Variants in LRRC36 observed in about 807,000 individuals in gnomAD.
LRRC36 encodes leucine rich repeat containing 36.
Under a neutral mutation model 81.1 loss-of-function variants are expected in LRRC36, and 62 were observed. That is an observed-to-expected ratio of 0.76 (90% CI 0.62 to 0.94). LRRC36 has a LOEUF of 0.94. LRRC36 is among the 40% of genes least tolerant of loss of function. LRRC36 has a pLI of 0.00. For synonymous variants in LRRC36, 334 were observed against 348.6 expected (o/e 0.96, Z 0.47); for missense variants, 761 against 881.7 (o/e 0.86, Z 1.73).
intron 1 of LRRC36, among the ~76,000 whole-genome samples, chr16:67,341,170 T>C (rs546638549): frequency 4.2e-4 from 54 of 128,274 alleles, no homozygotes; most frequent in African/African-American, 1.5e-3. Flanking sequence ...TTCTATAGAA[T>C]ATGTACTCTA....
rs750722445 is a variant in LRRC36, at chr16:67,376,887, T to C, written c.1806+15T>C. The stretch of plus-strand genomic sequence containing the variant: ...CTAATGACATGGTATGCCCCTCTCA[T>C]CTCCCTTTAGAAAAGGACAGAGCAG... On this transcript the variant is annotated intron_variant, in intron 11 of 13. Transcript: ENST00000329956. 2 of 1,598,812 alleles carry C rather than the reference T, an allele frequency of 1.3e-6. No individual in the cohort carries two copies. The highest frequency in any genetic ancestry group is 2.2e-5 in the South Asian group (2 of 90,238).
chr16:67,337,117 A>G (rs1323668439), intron 1 of LRRC36, among the ~76,000 whole-genome samples: 2 of 151,854 alleles, frequency 1.3e-5, no homozygotes, highest in African/African-American at 2.4e-5. Flanking sequence ...TGGATATACC[A>G]CATTTTTGTT....
At chr16:67,330,752 C>T (rs1437989159) in intron 1 of LRRC36, among the ~76,000 whole-genome samples, 1 of 152,002 alleles carries the variant, frequency 6.6e-6, no homozygotes, top group African/African-American at 2.4e-5. Flanking sequence ...ATAATCCCAG[C>T]TACTCAGGAG....
chr16:67,328,535 A>G (rs1307965615), intron 1 of LRRC36, among the ~76,000 whole-genome samples: 1 of 152,044 alleles, frequency 6.6e-6, no homozygotes, highest in Admixed American at 6.6e-5. Context: ...AAATAAAATA[A>G]AAATTGTACA....
chr16:67,382,251 G>A lies in LRRC36; in HGVS notation c.2045+4G>A. The A allele has an allele frequency of 6.2e-7, 1 of 1,603,572 alleles. No individual in the cohort carries two copies. The highest frequency in any genetic ancestry group is 8.5e-7 in the Non-Finnish European group (1 of 1,170,752). ...CCATTCTCCATGAAAGTCAGAGGTA[G>A]GAGAGGGTCTATCTAGCTTGCTTCT... On this transcript the variant is annotated splice_donor_region_variant and intron_variant, in intron 13 of 13. Coordinates refer to ENST00000329956, the MANE Select transcript of LRRC36 (RefSeq NM_018296.6).
chr16:67,349,307 GTT>G (rs879443968), intron 4 of LRRC36, among the ~76,000 whole-genome samples: 1 of 144,410 alleles, frequency 6.9e-6, no homozygotes. Context: ...CTTGGGTGAA[GTT>G]TTTTTTTTTT....
intron 4 of LRRC36, 76 bp from the exon 5 acceptor site, chr16:67,350,126 C>A: frequency 4.0e-6 from 4 of 990,502 alleles, no homozygotes; most frequent in Non-Finnish European, 6.2e-6. Flanking sequence ...AGACTGCTTT[C>A]TAAATAGCAT....
At position 67,344,394 on chromosome 16, in the gene LRRC36, G is replaced by A. The variant is rs529656211; in HGVS notation, c.199-1862G>A. ...GAGGCAAGGAGTTTGAGACTAGCTT[G>A]AGCAATAAAGCAAGACCCTGTCTCT... On this transcript the variant is annotated intron_variant, in intron 2 of 13. Coordinates refer to ENST00000329956, the MANE Select transcript of LRRC36 (RefSeq NM_018296.6). 2.0e-5 allele frequency among the ~76,000 whole-genome samples: 3 copies of A among 152,162 alleles called. No homozygotes were observed. In the South Asian group the frequency reaches 6.2e-4, roughly 32 times the overall value.
rs772016995 is a variant in LRRC36 at position 67,367,168 on chromosome 16, C to T, written c.906C>T (p.Thr302=). The change falls in exon 8 of 14, where the codon ACC becomes ACT. Residue 302 remains threonine, a synonymous_variant. Coordinates refer to ENST00000329956, the MANE Select transcript of LRRC36 (RefSeq NM_018296.6). ...CAAAACCTGATACTTTTCATCTTAC[C>T]CATGATGCCTCATTGAGTAAATGCC... is the stretch of plus-strand genomic sequence containing the variant. ...LIPKPDTFHL[T]HDASLSKCLD... The T allele has an allele frequency of 2.4e-5, 39 of 1,613,982 alleles. No individual in the cohort carries two copies. The highest frequency in any genetic ancestry group is 3.2e-5 in the Non-Finnish European group (38 of 1,180,020).
chr16:67,335,734 CTT>C (rs912010681), intron 1 of LRRC36, among the ~76,000 whole-genome samples: 7 of 141,404 alleles, frequency 5.0e-5, no homozygotes, highest in Admixed American at 1.4e-4. Flanking sequence ...AACCACTGAT[CTT>C]TTTTTTTTTT....
chr16:67,365,142 T>C (rs114825216), intron 6 of LRRC36, 162 bp from the exon 7 acceptor site: 15,216 of 579,876 alleles, frequency 0.026, 403 homozygotes, highest in South Asian at 0.06. Context: ...GTGACTGTTT[T>C]AAAATAGACT....
Position 67,328,559 on chromosome 16 carries a change from C to T in LRRC36, c.70+1627C>T, listed in dbSNP as rs527612981. Among the ~76,000 whole-genome samples the T allele has an allele frequency of 2.0e-5, 3 of 152,118 alleles. No homozygotes were observed. The East Asian group carries it at 5.8e-4, about 29-fold the overall frequency. On this transcript the variant is annotated intron_variant, in intron 1 of 13. Coordinates refer to ENST00000329956, the MANE Select transcript of LRRC36 (RefSeq NM_018296.6). ...AAAAATTGTACAGTGAGAAGAAAGTCTTTACTCCCCCATCCCCGTCTCATA... is the reference window on the plus strand; with the variant it reads ...AAAAATTGTACAGTGAGAAGAAAGTTTTTACTCCCCCATCCCCGTCTCATA...
At chr16:67,342,115 C>G (rs1362729276) in intron 2 of LRRC36, 31 bp downstream of exon 2, 2 of 1,476,262 alleles carry the variant, frequency 1.4e-6, no homozygotes, top group Admixed American at 4.0e-5. Flanking sequence ...CCAGCCAGGT[C>G]TGCCCAATTT....
chr16:67,366,574 A>T (rs1313418030), intron 7 of LRRC36, among the ~76,000 whole-genome samples: 1 of 152,010 alleles, frequency 6.6e-6, no homozygotes, highest in Non-Finnish European at 1.5e-5. Context: ...ACACGGTGAA[A>T]CCCCATCTCT....
chr16:67,341,788 C>T (rs1022310773), intron 1 of LRRC36, among the ~76,000 whole-genome samples, 169 bp from the exon 2 acceptor site: 1 of 152,048 alleles, frequency 6.6e-6, no homozygotes, highest in African/African-American at 2.4e-5. Flanking sequence ...GGTTCAATGT[C>T]ACTATATTAG....
chr16:67,343,708 C>G (rs969169721), intron 2 of LRRC36, among the ~76,000 whole-genome samples: 1 of 150,380 alleles, frequency 6.6e-6, no homozygotes, highest in South Asian at 2.1e-4. Flanking sequence ...AAAAAAAAAT[C>G]AAGTTAACAC....
intron 2 of LRRC36, among the ~76,000 whole-genome samples, chr16:67,344,990 A>ATT (rs397978171): frequency 1.3e-3 from 191 of 147,102 alleles, no homozygotes; most frequent in African/African-American, 4.4e-3. Flanking sequence ...CATTTTTACT[A>ATT]TTTTTTTTTT....
intron 4 of LRRC36, chr16:67,348,339 AAGGTAAT>A (rs1340376629): frequency 1.3e-5 from 2 of 152,220 alleles, no homozygotes; most frequent in African/African-American, 4.8e-5. Flanking sequence ...TCTGATGACA[AAGGTAAT>A]ACATGCTTAT....
intron 4 of LRRC36, 46 bp from the exon 5 acceptor site, chr16:67,350,156 C>CGTT: frequency 8.2e-7 from 1 of 1,212,510 alleles, no homozygotes; most frequent in African/African-American, 2.1e-5. Flanking sequence ...ATCTCAGAAG[C>CGTT]CTTTTTTTTT....
Sources: gnomAD v4.1 joint callset for allele counts (sites outside exome capture counted in the v4.1 genomes callset) on GRCh38, gnomAD v4.1.1 for gene constraint, MANE v1.5 for transcripts, NCBI Gene and HGNC (gene_info 2026-07-23, HGNC 2026-07-21) for gene names.